Variants in ILDR1 observed in about 807,000 individuals in gnomAD.
ILDR1 encodes immunoglobulin like domain containing receptor 1, also known as immunoglobulin-like domain-containing receptor 1.
Under a neutral mutation model 62.4 loss-of-function variants are expected in ILDR1, and 56 were observed. That is an observed-to-expected ratio of 0.90 (90% confidence interval 0.72 to 1.12). The LOEUF (loss-of-function observed/expected upper bound fraction) is 1.12. Among genes scored for constraint, ILDR1 ranks in the 50% most tolerant of loss-of-function variants. ILDR1 has a pLI of 0.00. For missense variants in ILDR1, 736 were observed against 710.6 expected, an observed-to-expected ratio of 1.04 and a Z score of -0.41; for synonymous variants, 284 against 277.8, an observed-to-expected ratio of 1.02 and a Z score of -0.22.
chr3:122,046,120 AC>A, the ILDR1 span, among the ~76,000 whole-genome samples: 1 of 151,572 alleles, frequency 6.6e-6, no homozygotes. Flanking sequence ...CCTAGTGGTG[AC>A]AAAATCTCTC....
chr3:122,020,105 T>C (rs1039439689), intron 1 of ILDR1, among the ~76,000 whole-genome samples: 1 of 152,170 alleles, frequency 6.6e-6, no homozygotes, highest in Non-Finnish European at 1.5e-5. Context: ...TTCTTAGCCA[T>C]AGGGGAAGGA....
At chr3:122,024,697 C>T (rs890054196), upstream of ILDR1, among the ~76,000 whole-genome samples, 2 of 152,182 alleles carry the variant, frequency 1.3e-5, no homozygotes, top group African/African-American at 4.8e-5. Context: ...CTATTATTAT[C>T]AATCCCATTT....
intron 5 of ILDR1, among the ~76,000 whole-genome samples, chr3:121,994,974 A>G (rs1253339741): frequency 6.6e-6 from 1 of 152,082 alleles, no homozygotes; most frequent in Non-Finnish European, 1.5e-5. Context: ...TAAGTAGGGG[A>G]ATTTCTCAGG....
the ILDR1 span, among the ~76,000 whole-genome samples, chr3:122,041,919 T>C: frequency 4.0e-5 from 6 of 151,536 alleles, no homozygotes; most frequent in Non-Finnish European, 7.4e-5. Context: ...TCTTTTTTTT[T>C]TTTATTATTA....
chr3:121,997,758 G>A (rs1010386061), intron 5 of ILDR1, among the ~76,000 whole-genome samples: 2 of 152,178 alleles, frequency 1.3e-5, no homozygotes, highest in African/African-American at 4.8e-5. Context: ...CAGTAAGGAG[G>A]GCCAGTAACT....
intron 2 of ILDR1, 79 bp downstream of exon 2, chr3:122,006,912 A>G (rs1394436117): frequency 6.9e-7 from 1 of 1,449,006 alleles, no homozygotes; most frequent in Non-Finnish European, 9.5e-7. Flanking sequence ...GTAATCCTAA[A>G]TAATCCCTCA....
the ILDR1 span, among the ~76,000 whole-genome samples, chr3:122,030,623 T>TTCTCTCTC: frequency 2.2e-4 from 33 of 147,636 alleles, no homozygotes; most frequent in South Asian, 6.6e-4. Flanking sequence ...GCAAGGGTTT[T>TTCTCTCTC]TCTCTCTCTC....
At chr3:122,059,535 CAAAAAA>C in the ILDR1 span, among the ~76,000 whole-genome samples, 7 of 67,960 alleles carry the variant, frequency 1.0e-4, no homozygotes, top group Non-Finnish European at 2.1e-4. Context: ...GACTCCGTCT[CAAAAAA>C]AAAAAAAAAA....
At chr3:122,030,623 T>TC in the ILDR1 span, among the ~76,000 whole-genome samples, 826 of 147,572 alleles carry the variant, frequency 5.6e-3, 10 homozygotes, top group Non-Finnish European at 8.1e-3. Flanking sequence ...GCAAGGGTTT[T>TC]TCTCTCTCTC....
In ILDR1 at chr3:122,016,024, C is replaced by G. The variant is rs192927743; in HGVS notation, c.58+5996G>C. Reference sequence around the variant, plus strand: ...GTTAAGATAAACACAAAACTTCCTACCATGACCCATGCAGCCATGCACATC... The same window carrying G: ...GTTAAGATAAACACAAAACTTCCTAGCATGACCCATGCAGCCATGCACATC... On this transcript the variant is annotated intron_variant, in intron 1 of 7. Coordinates refer to ENST00000344209, the MANE Select transcript of ILDR1 (RefSeq NM_001199799.2). 2.5e-3 allele frequency among the ~76,000 whole-genome samples: 380 copies of G among 152,342 alleles called. 2 individuals carry two copies. The highest frequency in any genetic ancestry group is 8.7e-3 in the African/African-American group (361 of 41,584).
chr3:122,045,108 G>C, the ILDR1 span, among the ~76,000 whole-genome samples: 3 of 151,744 alleles, frequency 2.0e-5, no homozygotes, highest in African/African-American at 7.3e-5. Context: ...AGAGATTCTG[G>C]TATGTTGTGT....
the ILDR1 span, among the ~76,000 whole-genome samples, chr3:122,035,072 G>A: frequency 1.3e-5 from 2 of 152,112 alleles, no homozygotes. Context: ...TTCTTAGAAA[G>A]TTTTCATCAC....
chr3:121,988,548 A>G, intron 7 of ILDR1, 140 bp from the exon 8 acceptor site: 1 of 714,416 alleles, frequency 1.4e-6, no homozygotes, highest in Non-Finnish European at 2.5e-6. Flanking sequence ...CCTAAAAAGT[A>G]TTTCTTTACT....
At position 122,001,499 on chromosome 3, in the gene ILDR1, G is replaced by A. The variant is rs775870033; in HGVS notation, c.500-45C>T. 17 of 1,604,154 alleles carry A rather than the reference G, an allele frequency of 1.1e-5. No individual in the cohort carries two copies. In the East Asian group the frequency reaches 2.2e-4, roughly 21 times the overall value. ...CAGGGGTTGAACTAAATATTCAGGG[G>A]GAGGGAATACTTCCAGTTCTGATAT... On this transcript the variant is annotated intron_variant, in intron 4 of 7. Transcript: ENST00000344209.
At chr3:122,011,613 C>T (rs1421535341) in intron 1 of ILDR1, among the ~76,000 whole-genome samples, 2 of 151,026 alleles carry the variant, frequency 1.3e-5, no homozygotes, top group African/African-American at 4.9e-5. Flanking sequence ...CCACAGCATC[C>T]TGTGCAGACC....
At chr3:122,050,931 T>G in the ILDR1 span, among the ~76,000 whole-genome samples, 1 of 152,226 alleles carries the variant, frequency 6.6e-6, no homozygotes, top group Non-Finnish European at 1.5e-5. Context: ...GGCTGGTTCT[T>G]TTCTTTCAGC....
intron 1 of ILDR1, among the ~76,000 whole-genome samples, chr3:122,018,439 G>A (rs1375284267): frequency 6.6e-6 from 1 of 152,000 alleles, no homozygotes; most frequent in Non-Finnish European, 1.5e-5. Context: ...AATACCTAAT[G>A]TAGGTGATGG....
the ILDR1 span, among the ~76,000 whole-genome samples, chr3:122,040,423 TA>T: frequency 3.0e-4 from 45 of 151,790 alleles, no homozygotes; most frequent in African/African-American, 1.0e-3. Context: ...TATCTGAATT[TA>T]AAAAATGTCT....
chr3:121,991,193 T>C (rs1446491154), intron 7 of ILDR1, among the ~76,000 whole-genome samples: 2 of 151,460 alleles, frequency 1.3e-5, no homozygotes, highest in African/African-American at 4.9e-5. Context: ...AACGAGACTC[T>C]GTCTCAAAAA....
Sources: allele counts gnomAD v4.1 joint callset (sites outside exome capture counted in the v4.1 genomes callset), GRCh38; gene constraint gnomAD v4.1.1; transcripts MANE v1.5; gene names NCBI Gene and HGNC (gene_info 2026-07-23, HGNC 2026-07-21).